Variants in LRRTM3 observed in about 807,000 individuals in gnomAD.
The protein encoded by LRRTM3 is leucine rich repeat transmembrane neuronal 3.
A neutral mutation model predicts 44.7 loss-of-function variants in LRRTM3; 24 were observed. The ratio of observed to expected loss-of-function variants is 0.54; its 90% CI spans 0.39 to 0.76. The LOEUF (loss-of-function observed/expected upper bound fraction) is 0.76, where lower values mean the gene tolerates loss of function less well. Ranked by LOEUF, LRRTM3 falls within the 30% of genes least tolerant of loss-of-function variation. LRRTM3 has a pLI of 0.00. For synonymous variants in LRRTM3, 277 were observed against 278.7 expected, an observed-to-expected ratio of 0.99 and a Z score of 0.06; for missense variants, 587 against 702.2, an observed-to-expected ratio of 0.84 and a Z score of 1.85.
At chr10:66,958,816 A>AG in intron 2 of LRRTM3, among the ~76,000 whole-genome samples, 1 of 152,174 alleles carries the variant, frequency 6.6e-6, no homozygotes, top group Non-Finnish European at 1.5e-5. Context: ...TCAAAGAAGA[A>AG]GGAAAGGAAT....
chr10:67,024,280 G>A lies in LRRTM3; in HGVS notation c.1537-73307G>A, dbSNP rs578147624. Reference sequence around the variant, plus strand: ...GCTTCAGTCATCTCATTGTGTTCTCGTAGAGTCTGACTTTACTGCTTCTGT... The same window carrying A: ...GCTTCAGTCATCTCATTGTGTTCTCATAGAGTCTGACTTTACTGCTTCTGT... On this transcript the variant is annotated intron_variant, in intron 2 of 2. Coordinates refer to ENST00000361320, the MANE Select transcript of LRRTM3 (RefSeq NM_178011.5). Among the ~76,000 whole-genome samples the A allele has an allele frequency of 2.6e-5, 4 of 152,192 alleles. No individual in the cohort carries two copies. The South Asian group carries it at 6.2e-4, about 24-fold the overall frequency.
At chr10:67,080,187 G>A (rs183167730) in intron 2 of LRRTM3, among the ~76,000 whole-genome samples, 44 of 152,218 alleles carry the variant, frequency 2.9e-4, no homozygotes, top group Admixed American at 2.7e-3. Flanking sequence ...TTCCTTTTAC[G>A]TGAGCTACTG....
At chr10:66,952,493 C>T (rs984616723) in intron 2 of LRRTM3, among the ~76,000 whole-genome samples, 3 of 152,206 alleles carry the variant, frequency 2.0e-5, no homozygotes, top group South Asian at 4.1e-4. Context: ...CATTTGATGA[C>T]ATTAGGATAT....
intron 2 of LRRTM3, among the ~76,000 whole-genome samples, chr10:67,062,555 T>C (rs1418620630): frequency 6.6e-6 from 1 of 152,128 alleles, no homozygotes; most frequent in Non-Finnish European, 1.5e-5. Flanking sequence ...ATATGGGGCA[T>C]TAAGGCAGGC....
rs140917049 is a variant in LRRTM3 at position 67,008,325 on chromosome 10, C to T, written c.1536+79873C>T. ...TCTATTTTATTCAATAACCATAGTGCTCATGGTTTTTAATTTTCGTTCTGA... is the reference window on the plus strand; with the variant it reads ...TCTATTTTATTCAATAACCATAGTGTTCATGGTTTTTAATTTTCGTTCTGA... On this transcript the variant is annotated intron_variant, in intron 2 of 2. Coordinates refer to ENST00000361320, the MANE Select transcript of LRRTM3 (RefSeq NM_178011.5). 9.3e-3 allele frequency among the ~76,000 whole-genome samples: 1,411 copies of T among 152,044 alleles called. 7 individuals carry two copies. The highest frequency in any genetic ancestry group is 0.031 in the Middle Eastern group (9 of 294).
chr10:67,015,781 C>T (rs1307231832), intron 2 of LRRTM3, among the ~76,000 whole-genome samples: 2 of 151,948 alleles, frequency 1.3e-5, no homozygotes, highest in African/African-American at 2.4e-5. Context: ...CAATTACGTA[C>T]ATGTTGTCTC....
chr10:66,982,887 A>C (rs10997468), intron 2 of LRRTM3, among the ~76,000 whole-genome samples: 36,468 of 152,054 alleles, frequency 0.24, 5,540 homozygotes, highest in East Asian at 0.4. Flanking sequence ...GAAGAAGGGG[A>C]GAAGCATAAG....
chr10:67,077,544 T>C (rs1856802795), intron 2 of LRRTM3, among the ~76,000 whole-genome samples: 1 of 152,154 alleles, frequency 6.6e-6, no homozygotes, highest in Admixed American at 6.5e-5. Context: ...GCTTGAAGCA[T>C]GCTTCCTCCC....
rs141752243 is a variant in LRRTM3 at position 67,066,232 on chromosome 10, G to A, written c.1537-31355G>A. Among the ~76,000 whole-genome samples the A allele has an allele frequency of 7.4e-3, 924 of 124,470 alleles. 10 individuals carry two copies. Among genetic ancestry groups the A allele is most frequent in the African/African-American group, 0.028 (867 of 30,646 alleles). The allele number at this position is 124,470 out of a possible 152,430, so 81.7% of individuals were successfully genotyped here. A position where few individuals can be genotyped will look rare whatever the true frequency, so the allele number is the denominator to read the frequency against. ...TTTTTTGAGACAGTCTTGCTCCATC[G>A]CCCAGGCTAGAGTGCAGTGGCACCA... is the stretch of plus-strand genomic sequence containing the variant. On this transcript the variant is annotated intron_variant, in intron 2 of 2. Coordinates refer to ENST00000361320, the MANE Select transcript of LRRTM3 (RefSeq NM_178011.5).
At chr10:67,003,069 T>A (rs1049848278) in intron 2 of LRRTM3, among the ~76,000 whole-genome samples, 2 of 152,160 alleles carry the variant, frequency 1.3e-5, no homozygotes, top group African/African-American at 4.8e-5. Context: ...AACAAACATA[T>A]GCAGTCTTTT....
chr10:66,995,676 TAA>T (rs1218605642), intron 2 of LRRTM3, among the ~76,000 whole-genome samples: 1 of 152,188 alleles, frequency 6.6e-6, no homozygotes, highest in Non-Finnish European at 1.5e-5. Flanking sequence ...GCCAGACAAC[TAA>T]GACTCAGACT....
chr10:67,010,678 A>G (rs1034893517), intron 2 of LRRTM3, among the ~76,000 whole-genome samples: 1 of 152,184 alleles, frequency 6.6e-6, no homozygotes, highest in Non-Finnish European at 1.5e-5. Context: ...GAATTTTCCA[A>G]TGCTTTTGTA....
Position 66,928,093 on chromosome 10 carries a change from C to T in LRRTM3, c.1177C>T (p.Pro393Ser). The change falls in exon 2 of 3, where the codon CCC becomes TCC. Residue 393 changes from proline to serine, a missense_variant. Pro to Ser is a moderately conservative substitution (Grantham distance 74, BLOSUM62 -1). Transcript: ENST00000361320. ...CCCCAGGCCGAAGCATGAGAGCAAA[C>T]CCCCTTTGCCCCCGACGGTGGGAGC... is the stretch of plus-strand genomic sequence containing the variant. The part of the protein sequence containing the change: ...KLPRPKHESK[P>S]PLPPTVGATE... 6.2e-7 allele frequency: 1 copy of T among 1,614,064 alleles called. No homozygotes were observed. The highest frequency in any genetic ancestry group is 8.5e-7 in the Non-Finnish European group (1 of 1,180,032).
intron 2 of LRRTM3, among the ~76,000 whole-genome samples, chr10:66,978,393 G>C (rs1589533528): frequency 1.3e-5 from 2 of 151,260 alleles, no homozygotes; most frequent in Admixed American, 1.3e-4. Context: ...TGGGCGTGGT[G>C]GTGGGCGCCT....
intron 2 of LRRTM3, among the ~76,000 whole-genome samples, chr10:66,983,793 G>C (rs1850579230): frequency 6.6e-6 from 1 of 152,078 alleles, no homozygotes; most frequent in Non-Finnish European, 1.5e-5. Context: ...CTAAAATTTT[G>C]CTGTTAAAAT....
chr10:66,988,698 G>T lies in LRRTM3; in HGVS notation c.1536+60246G>T, dbSNP rs16923877. ...AACCTTTCAGAACATTCTGCAGTCT[G>T]ATTAGGTCACCTCTGAATACTAGGA... On this transcript the variant is annotated intron_variant, in intron 2 of 2. Transcript: ENST00000361320. Among the ~76,000 whole-genome samples, 3,547 of 152,236 alleles carry T rather than the reference G, an allele frequency of 0.023. 293 individuals carry two copies. In the East Asian group the frequency reaches 0.29, roughly 13 times the overall value.
At chr10:66,950,512 AT>A (rs1368667379) in intron 2 of LRRTM3, among the ~76,000 whole-genome samples, 1 of 152,068 alleles carries the variant, frequency 6.6e-6, no homozygotes, top group Non-Finnish European at 1.5e-5. Context: ...AAAGATCCTT[AT>A]TTCCCTATCT....
chr10:67,095,909 GACA>G (rs1182817678), intron 2 of LRRTM3, among the ~76,000 whole-genome samples: 4 of 151,672 alleles, frequency 2.6e-5, no homozygotes, highest in Non-Finnish European at 5.9e-5. Flanking sequence ...TTTCATCTGT[GACA>G]ACAAGATTCT....
chr10:66,960,488 A>G (rs1366094563), intron 2 of LRRTM3, among the ~76,000 whole-genome samples: 1 of 152,210 alleles, frequency 6.6e-6, no homozygotes, highest in African/African-American at 2.4e-5. Flanking sequence ...GTTTTAGAGT[A>G]GAGAACTAAT....
Sources: gnomAD v4.1 joint callset for allele counts (sites outside exome capture counted in the v4.1 genomes callset) on GRCh38, gnomAD v4.1.1 for gene constraint, MANE v1.5 for transcripts, NCBI Gene and HGNC (gene_info 2026-07-23, HGNC 2026-07-21) for gene names.